The following PRKDC variants were observed in gnomAD, a reference collection of about 807,000 sequenced individuals.
The protein encoded by PRKDC is protein kinase, DNA-activated, catalytic subunit, also known as DNA-dependent protein kinase catalytic subunit.
In PRKDC, 82 loss-of-function variants were observed where a neutral mutation model predicts 486.9. That is an observed-to-expected ratio of 0.17 (90% CI 0.14 to 0.20). PRKDC has a LOEUF of 0.20. PRKDC is among the 10% of genes least tolerant of loss of function. The pLI is 1.00. For missense variants in PRKDC, 4,504 were observed against 5,038.2 expected (o/e 0.89, Z 3.21); for synonymous variants, 1,895 against 1,837.0 (o/e 1.03, Z -0.81).
intron 22 of PRKDC, among the ~76,000 whole-genome samples, chr8:47,916,174 C>T (rs903632219): frequency 1.3e-5 from 2 of 152,066 alleles, no homozygotes; most frequent in Non-Finnish European, 2.9e-5. Context: ...TTAGGCTGGG[C>T]GCAGTGGCTC....
At chr8:47,860,167 T>A (rs2088643283) in intron 45 of PRKDC, among the ~76,000 whole-genome samples, 1 of 152,074 alleles carries the variant, frequency 6.6e-6, no homozygotes, top group African/African-American at 2.4e-5. Flanking sequence ...TATTCTCATA[T>A]CAAGAAATGA....
At position 47,935,881 on chromosome 8, in the gene PRKDC, G is replaced by A. The variant is rs2090342249; in HGVS notation, c.1298C>T (p.Pro433Leu). 1 of 1,613,764 alleles carries A rather than the reference G, an allele frequency of 6.2e-7. No individual in the cohort carries two copies. Among genetic ancestry groups the A allele is most frequent in the Non-Finnish European group, 8.5e-7 (1 of 1,179,812 alleles). ...CATCACCACGAGGTGCTCCAGAACT[G>A]GAGTATACACCTCAGGAACCTACCG... ...YLDTVPEVYT[P>L]VLEHLVVMQI... Residue 433 changes from proline (P) to leucine (L), a missense_variant, in exon 13 of 86, where the codon CCA (proline) becomes CTA (leucine). Physicochemically the swap from Pro to Leu is moderately conservative, Grantham distance 98. Transcript: ENST00000314191.
intron 76 of PRKDC, among the ~76,000 whole-genome samples, chr8:47,786,723 C>CTTTTTTT (rs5891257): frequency 1.9e-4 from 17 of 88,250 alleles, no homozygotes; most frequent in East Asian, 4.3e-4. Flanking sequence ...ATTATTTAAT[C>CTTTTTTT]TTTTTTTTTT....
intron 73 of PRKDC, among the ~76,000 whole-genome samples, chr8:47,796,480 G>A (rs1364676052): frequency 6.6e-6 from 1 of 151,952 alleles, no homozygotes; most frequent in South Asian, 2.1e-4. Flanking sequence ...CTTTAATCAC[G>A]CATGCATTTC....
At chr8:47,805,135 G>C (rs1426111085) in intron 69 of PRKDC, 1 of 151,902 alleles carries the variant, frequency 6.6e-6, no homozygotes, top group Admixed American at 6.6e-5. Flanking sequence ...AATCTTAAAT[G>C]TTTGTGATCA....
At chr8:47,844,802 AAATT>A (rs1228168057) in intron 54 of PRKDC, among the ~76,000 whole-genome samples, 1 of 152,232 alleles carries the variant, frequency 6.6e-6, no homozygotes, top group African/African-American at 2.4e-5. Context: ...GAAAACAACA[AAATT>A]AAGGCAAGAA....
At chr8:47,892,159 C>T (rs532754203) in intron 31 of PRKDC, among the ~76,000 whole-genome samples, 10 of 151,868 alleles carry the variant, frequency 6.6e-5, no homozygotes, top group East Asian at 2.0e-4. Flanking sequence ...TGTGAGCCAC[C>T]GCGTCCGGCC....
At chr8:47,836,582 T>G (rs2088030467) in intron 57 of PRKDC, 55 bp from the exon 58 acceptor site, 1 of 1,426,806 alleles carries the variant, frequency 7.0e-7, no homozygotes, top group African/African-American at 1.4e-5. Flanking sequence ...TAATGCTCCT[T>G]TTTTAGGAAC....
chr8:47,806,448 A>G (rs575225264), intron 69 of PRKDC, among the ~76,000 whole-genome samples: 2 of 152,348 alleles, frequency 1.3e-5, no homozygotes, highest in South Asian at 4.1e-4. Flanking sequence ...CTTACTTGAT[A>G]TTACACTCAT....
At chr8:47,885,445 G>A (rs2089305892) in intron 36 of PRKDC, among the ~76,000 whole-genome samples, 1 of 152,026 alleles carries the variant, frequency 6.6e-6, no homozygotes, top group South Asian at 2.1e-4. Flanking sequence ...GAGCCACCAT[G>A]CCTGGCCTAA....
intron 16 of PRKDC, among the ~76,000 whole-genome samples, chr8:47,931,866 G>A (rs2090261183): frequency 6.6e-6 from 1 of 152,110 alleles, no homozygotes; most frequent in African/African-American, 2.4e-5. Context: ...ACCAGAGCAG[G>A]GCAGCTCCAG....
intron 7 of PRKDC, among the ~76,000 whole-genome samples, chr8:47,946,416 T>C (rs965866870): frequency 6.6e-6 from 1 of 152,166 alleles, no homozygotes; most frequent in Non-Finnish European, 1.5e-5. Context: ...TTTCTACAAA[T>C]GGCCTCCACT....
intron 3 of PRKDC, 117 bp from the exon 4 acceptor site, chr8:47,956,065 G>A: frequency 1.3e-6 from 1 of 773,914 alleles, no homozygotes; most frequent in South Asian, 1.8e-5. Flanking sequence ...ATTTAGCTGT[G>A]GAAAATATAA....
chr8:47,898,785 T>C (rs1440394885), intron 28 of PRKDC, among the ~76,000 whole-genome samples: 2 of 152,254 alleles, frequency 1.3e-5, no homozygotes, highest in Admixed American at 6.5e-5. Flanking sequence ...GACTGCAGGA[T>C]AGCATGGTGC....
Position 47,773,901 on chromosome 8 carries a change from T to G in PRKDC, c.*272A>C, listed in dbSNP as rs1433475298. 1 of 337,670 alleles carries G rather than the reference T, an allele frequency of 3.0e-6. No homozygotes were observed. The highest frequency in any genetic ancestry group is 2.1e-5 in the African/African-American group (1 of 48,218). The allele number at this position is 337,670 out of a possible 1,614,324, so 20.9% of individuals were successfully genotyped here. A position where few individuals can be genotyped will look rare whatever the true frequency, so the allele number is the denominator to read the frequency against. On this transcript the variant is annotated 3_prime_UTR_variant, in exon 86 of 86. Coordinates refer to ENST00000314191, the MANE Select transcript of PRKDC (RefSeq NM_006904.7). ...AAATGCTTTGAAAGCTGATCACATA[T>G]TATATTCTTGACTTAATACTTTGGT...
intron 15 of PRKDC, among the ~76,000 whole-genome samples, chr8:47,933,724 G>A (rs1486331700): frequency 6.6e-6 from 1 of 152,134 alleles, no homozygotes; most frequent in African/African-American, 2.4e-5. Context: ...GCTAAAATGA[G>A]GACTCAGCTA....
At position 47,890,387 on chromosome 8, in the gene PRKDC, C is replaced by A. The variant is rs8178090; in HGVS notation, c.3941G>T (p.Gly1314Val). The A allele has an allele frequency of 4.7e-4, 758 of 1,610,520 alleles. 4 individuals carry two copies. In the African/African-American group the frequency reaches 9.5e-3, roughly 20 times the overall value. Residue 1314 changes from glycine to valine, a missense_variant, in exon 32 of 86, where the codon GGC becomes GTC. By Grantham distance (109) the Gly-to-Val change is moderately radical. Transcript: ENST00000314191. ...TGTTCTGTTACCTGCTGCCCCAGTG[C>A]CAAAGCACTTTTCTGCTGCTATAAT... Reference protein sequence around the residue: ...HDIIAAEKCFGTGAAGNRTSP... With the variant: ...HDIIAAEKCFVTGAAGNRTSP...
intron 34 of PRKDC, among the ~76,000 whole-genome samples, chr8:47,888,235 C>T (rs1230571460): frequency 6.6e-6 from 1 of 152,186 alleles, no homozygotes; most frequent in Non-Finnish European, 1.5e-5. Context: ...AAAGGCACAA[C>T]AGCAGTTCCT....
At chr8:47,902,879 A>G in intron 26 of PRKDC, 84 bp from the exon 27 acceptor site, 1 of 1,012,260 alleles carries the variant, frequency 9.9e-7, no homozygotes, top group African/African-American at 1.6e-5. Context: ...TCTGAGCATA[A>G]CTAAAGTATG....
Sources: gnomAD v4.1 joint callset for allele counts (sites outside exome capture counted in the v4.1 genomes callset) on GRCh38, gnomAD v4.1.1 for gene constraint, MANE v1.5 for transcripts, NCBI Gene and HGNC (gene_info 2026-07-23, HGNC 2026-07-21) for gene names.